Variants in ZNF664 observed in about 807,000 individuals in gnomAD.
The protein encoded by ZNF664 is zinc finger Organ of Corti 1.
A neutral mutation model predicts 18.2 loss-of-function variants in ZNF664; 10 were observed. The observed-to-expected ratio is 0.55, with a 90% CI of 0.34 to 0.93. The LOEUF (loss-of-function observed/expected upper bound fraction) is 0.93, where lower values mean the gene tolerates loss of function less well. ZNF664 is among the 40% of genes least tolerant of loss of function. The pLI is 0.02. For missense variants in ZNF664, 193 were observed against 319.0 expected, an observed-to-expected ratio of 0.61 and a Z score of 3.01; for synonymous variants, 119 against 104.2, an observed-to-expected ratio of 1.14 and a Z score of -0.86.
Position 123,973,221 on chromosome 12 carries a change from T to TC in ZNF664, c.-1018dup, listed in dbSNP as rs1000351428. 1 of 983,490 alleles carries TC rather than the reference T, an allele frequency of 1.0e-6. No individual in the cohort carries two copies. The highest frequency in any genetic ancestry group is 1.2e-6 in the Non-Finnish European group (1 of 831,886). The allele number at this position is 983,490 out of a possible 1,614,324, so 60.9% of individuals were successfully genotyped here. Reference sequence around the variant, plus strand: ...GCCTCGTGCGTGCGCACGCGCGCTGTCCCCCGGAGGCGTCTGGGTGTGCGG... The same window carrying TC: ...GCCTCGTGCGTGCGCACGCGCGCTGTCCCCCCGGAGGCGTCTGGGTGTGCGG... On this transcript the variant is annotated 5_prime_UTR_variant, in exon 1 of 5. Coordinates refer to ENST00000337815, the MANE Select transcript of ZNF664 (RefSeq NM_152437.3).
rs139678070 is a variant in ZNF664, at chr12:124,011,153, A to G, written c.-660-228A>G. ...AATACGATGTTTTATCTCCAAAGGCAGCAATGTTGTACCTTCTGAAGTTCA... is the reference window on the plus strand; with the variant it reads ...AATACGATGTTTTATCTCCAAAGGCGGCAATGTTGTACCTTCTGAAGTTCA... On this transcript the variant is annotated intron_variant, in intron 3 of 4. Coordinates refer to ENST00000337815, the MANE Select transcript of ZNF664 (RefSeq NM_152437.3). The G allele has an allele frequency of 5.4e-5, 14 of 257,820 alleles. No individual in the cohort carries two copies. In the East Asian group the frequency reaches 2.0e-3, roughly 36 times the overall value. The allele number at this position is 257,820 out of a possible 1,614,324, so 16.0% of individuals were successfully genotyped here.
In ZNF664 at chr12:124,013,179, G is replaced by A; in HGVS notation, c.*249G>A. On this transcript the variant is annotated 3_prime_UTR_variant, in exon 5 of 5. Transcript: ENST00000337815. ...CCCAGTCACAGACGTCGCTTCCTGG[G>A]ATTCCAGCACGATGCCTCCATAGTT... The A allele has an allele frequency of 1.8e-6, 1 of 548,016 alleles. No homozygotes were observed. Among genetic ancestry groups the A allele is most frequent in the East Asian group, 3.5e-5 (1 of 28,518 alleles). 33.9% of individuals were successfully genotyped at this position (548,016 alleles called of 1,614,324 possible).
At position 124,012,900 on chromosome 12, in the gene ZNF664, G is replaced by A; in HGVS notation, c.756G>A (p.Glu252=). 1 of 1,614,040 alleles carries A rather than the reference G, an allele frequency of 6.2e-7. No individual in the cohort carries two copies. The highest frequency in any genetic ancestry group is 8.5e-7 in the Non-Finnish European group (1 of 1,179,992). Residue 252 remains glutamate (E), a synonymous_variant, in exon 5 of 5, where the codon GAG becomes GAA. Coordinates refer to ENST00000337815, the MANE Select transcript of ZNF664 (RefSeq NM_152437.3). The stretch of plus-strand genomic sequence containing the variant: ...TCCACCAGAGAGTCCACACAAAGGA[G>A]AGAAACCATCTCAAAATATCAGTTA... ...LCIHQRVHTK[E]RNHLKISVI is the part of the protein sequence containing the mutation.
chr12:123,973,954 C>T lies in ZNF664; in HGVS notation c.-823C>T, dbSNP rs539774082. The stretch of plus-strand genomic sequence containing the variant: ...GATGAGGAACCCCTCGCGCACCCAG[C>T]GCAGAAGGCTGCTGCCGCCGGACGC... On this transcript the variant is annotated 5_prime_UTR_variant, in exon 2 of 5. Coordinates refer to ENST00000337815, the MANE Select transcript of ZNF664 (RefSeq NM_152437.3). 13 of 1,231,948 alleles carry T rather than the reference C, an allele frequency of 1.1e-5. No individual in the cohort carries two copies. The African/African-American group carries it at 1.9e-4, about 18-fold the overall frequency. The allele number at this position is 1,231,948 out of a possible 1,614,324, so 76.3% of individuals were successfully genotyped here.
At position 123,988,857 on chromosome 12, in the gene ZNF664, G is replaced by T. The variant is rs142548008; in HGVS notation, c.-661+719G>T. On this transcript the variant is annotated intron_variant, in intron 3 of 4. Coordinates refer to ENST00000337815, the MANE Select transcript of ZNF664 (RefSeq NM_152437.3). ...TTTATTTGGTCATTGCTGAAATCCA[G>T]AATACTCCAGTTGAGCATACAGTCT... Among the ~76,000 whole-genome samples, 29 of 152,176 alleles carry T rather than the reference G, an allele frequency of 1.9e-4. No homozygotes were observed. In the East Asian group the frequency reaches 5.2e-3, roughly 27 times the overall value.
chr12:123,982,798 A>G (rs578138627), intron 2 of ZNF664, among the ~76,000 whole-genome samples: 2 of 152,254 alleles, frequency 1.3e-5, no homozygotes, highest in Non-Finnish European at 2.9e-5. Flanking sequence ...CGGCCTAGAG[A>G]TGTAATAAAG....
chr12:124,007,444 G>A (rs1032621801), intron 3 of ZNF664, among the ~76,000 whole-genome samples: 2 of 152,214 alleles, frequency 1.3e-5, no homozygotes, highest in Non-Finnish European at 2.9e-5. Context: ...AGAGCAGAGC[G>A]CAGTGCTGCT....
intron 3 of ZNF664, among the ~76,000 whole-genome samples, chr12:124,002,635 T>TTGCAC (rs1957026004): frequency 6.6e-6 from 1 of 152,066 alleles, no homozygotes; most frequent in Admixed American, 6.6e-5. Flanking sequence ...GTGCAGTGAT[T>TTGCAC]TGCACTGGTG....
chr12:123,978,845 CAG>C (rs1487114385), intron 2 of ZNF664, among the ~76,000 whole-genome samples: 29 of 152,272 alleles, frequency 1.9e-4, no homozygotes, highest in African/African-American at 6.5e-4. Flanking sequence ...AATCCAGTAA[CAG>C]ACCCATTTTT....
At chr12:123,989,873 G>A (rs1376983635) in intron 3 of ZNF664, among the ~76,000 whole-genome samples, 2 of 103,322 alleles carry the variant, frequency 1.9e-5, no homozygotes, top group Non-Finnish European at 4.4e-5. Context: ...GTCCATCCAT[G>A]CAGATACTGA....
At chr12:123,987,790 AC>A in intron 2 of ZNF664, among the ~76,000 whole-genome samples, 1 of 152,278 alleles carries the variant, frequency 6.6e-6, no homozygotes, top group Non-Finnish European at 1.5e-5. Context: ...ATAATGGGAT[AC>A]CTATATCTTG....
At chr12:124,005,457 A>G (rs1164990618) in intron 3 of ZNF664, among the ~76,000 whole-genome samples, 1 of 149,036 alleles carries the variant, frequency 6.7e-6, no homozygotes, top group Non-Finnish European at 1.5e-5. Context: ...GTTACTTCAC[A>G]TTTTGACTGG....
At chr12:123,981,393 A>G (rs1956763334) in intron 2 of ZNF664, among the ~76,000 whole-genome samples, 1 of 152,176 alleles carries the variant, frequency 6.6e-6, no homozygotes, top group Non-Finnish European at 1.5e-5. Context: ...AGCCATTCAT[A>G]GATTAATGGG....
chr12:123,978,672 T>C (rs1956724223), intron 2 of ZNF664, among the ~76,000 whole-genome samples: 1 of 152,180 alleles, frequency 6.6e-6, no homozygotes, highest in East Asian at 1.9e-4. Context: ...AAAACTCTTT[T>C]ATAGGAGTAA....
intron 3 of ZNF664, among the ~76,000 whole-genome samples, chr12:123,993,809 T>A (rs976471582): frequency 6.1e-5 from 9 of 146,396 alleles, no homozygotes; most frequent in African/African-American, 2.3e-4. Flanking sequence ...TAGAATTTGA[T>A]GGCTTTGATT....
intron 2 of ZNF664, among the ~76,000 whole-genome samples, chr12:123,975,112 A>G (rs762324728): frequency 6.6e-5 from 10 of 152,124 alleles, no homozygotes; most frequent in Non-Finnish European, 1.0e-4. Flanking sequence ...CTTTTCTGTA[A>G]ATGGCCTGCT....
intron 2 of ZNF664, among the ~76,000 whole-genome samples, chr12:123,976,757 G>A (rs931836467): frequency 4.6e-5 from 7 of 151,620 alleles, no homozygotes; most frequent in African/African-American, 1.7e-4. Context: ...CACGTTACCA[G>A]CTACACTAAG....
At chr12:123,980,154 TAGAAAA>T (rs1400495502) in intron 2 of ZNF664, among the ~76,000 whole-genome samples, 1 of 152,186 alleles carries the variant, frequency 6.6e-6, no homozygotes, top group Non-Finnish European at 1.5e-5. Flanking sequence ...GAATAAGAAT[TAGAAAA>T]AGACTAGAAT....
At chr12:123,996,663 TCAGA>T (rs1298371374) in intron 3 of ZNF664, among the ~76,000 whole-genome samples, 6 of 152,028 alleles carry the variant, frequency 3.9e-5, no homozygotes, top group Non-Finnish European at 7.4e-5. Flanking sequence ...CATCTGGAAA[TCAGA>T]CAGAGTGGAC....
Sources: allele counts gnomAD v4.1 joint callset (sites outside exome capture counted in the v4.1 genomes callset), GRCh38; gene constraint gnomAD v4.1.1; transcripts MANE v1.5; gene names NCBI Gene and HGNC (gene_info 2026-07-23, HGNC 2026-07-21).